Variants in GMDS observed in about 807,000 individuals in gnomAD.
GMDS encodes the protein GDP-mannose 4,6 dehydratase.
A neutral mutation model predicts 49.9 loss-of-function variants in GMDS; 20 were observed. That is an observed-to-expected ratio of 0.40 (90% CI 0.28 to 0.58). The LOEUF (loss-of-function observed/expected upper bound fraction) is 0.58, where lower values mean the gene tolerates loss of function less well. Among genes scored for constraint, GMDS ranks in the 20% least tolerant of loss-of-function variants. The pLI, the probability that GMDS is intolerant of heterozygous loss-of-function variation, is 0.42. For missense variants in GMDS, 362 were observed against 481.4 expected, an observed-to-expected ratio of 0.75 and a Z score of 2.32; for synonymous variants, 177 against 178.6, an observed-to-expected ratio of 0.99 and a Z score of 0.07.
At chr6:1,912,471 C>A (rs1332418889) in intron 7 of GMDS, among the ~76,000 whole-genome samples, 1 of 152,148 alleles carries the variant, frequency 6.6e-6, no homozygotes, top group Non-Finnish European at 1.5e-5. Flanking sequence ...CTTTGCATTA[C>A]CTTACACAGT....
At chr6:1,988,948 T>C (rs1765747709) in intron 4 of GMDS, among the ~76,000 whole-genome samples, 1 of 151,736 alleles carries the variant, frequency 6.6e-6, no homozygotes, top group Non-Finnish European at 1.5e-5. Flanking sequence ...CAGTGAGCAG[T>C]AAGAGCAGAA....
chr6:1,695,155 G>A (rs778504550), intron 9 of GMDS, among the ~76,000 whole-genome samples: 1 of 152,176 alleles, frequency 6.6e-6, no homozygotes, highest in Non-Finnish European at 1.5e-5. Context: ...CCATGACGGG[G>A]TCCAGGAAAG....
chr6:2,121,862 C>G (rs1352736308), intron 2 of GMDS, among the ~76,000 whole-genome samples: 1 of 152,178 alleles, frequency 6.6e-6, no homozygotes, highest in African/African-American at 2.4e-5. Flanking sequence ...CTGCATGCTC[C>G]CCTCCAGGTG....
intron 4 of GMDS, among the ~76,000 whole-genome samples, chr6:2,049,746 A>T (rs1194851063): frequency 1.3e-5 from 2 of 152,184 alleles, no homozygotes; most frequent in Non-Finnish European, 2.9e-5. Context: ...GCACAACAAC[A>T]TGGAGACTGA....
At chr6:1,997,940 A>G (rs1766396626) in intron 4 of GMDS, among the ~76,000 whole-genome samples, 1 of 152,176 alleles carries the variant, frequency 6.6e-6, no homozygotes, top group African/African-American at 2.4e-5. Flanking sequence ...CTTCTGGGAA[A>G]TGCAAAGATA....
intron 4 of GMDS, among the ~76,000 whole-genome samples, chr6:2,017,572 G>C: frequency 6.6e-6 from 1 of 152,102 alleles, no homozygotes; most frequent in East Asian, 1.9e-4. Context: ...GTCTCCCAAA[G>C]TGCTGGAATT....
At chr6:2,174,436 C>G (rs553382819) in intron 1 of GMDS, among the ~76,000 whole-genome samples, 1 of 152,168 alleles carries the variant, frequency 6.6e-6, no homozygotes, top group Admixed American at 6.5e-5. Flanking sequence ...GTATCTAAAT[C>G]AAGGATAAAG....
chr6:2,101,751 C>T (rs1773940255), intron 4 of GMDS, among the ~76,000 whole-genome samples: 1 of 152,048 alleles, frequency 6.6e-6, no homozygotes, highest in African/African-American at 2.4e-5. Flanking sequence ...TTTCCACTAA[C>T]CATTAACACT....
intron 4 of GMDS, among the ~76,000 whole-genome samples, chr6:2,037,545 G>A (rs1327795713): frequency 6.6e-6 from 1 of 152,128 alleles, no homozygotes; most frequent in Non-Finnish European, 1.5e-5. Context: ...TCAAACAGAC[G>A]AGAAGTACAA....
At chr6:2,186,191 G>A (rs1353403200) in intron 1 of GMDS, among the ~76,000 whole-genome samples, 1 of 152,136 alleles carries the variant, frequency 6.6e-6, no homozygotes, top group Non-Finnish European at 1.5e-5. Flanking sequence ...GGGAATGTAG[G>A]AAAATGAAAT....
At chr6:1,999,256 A>C (rs558179912) in intron 4 of GMDS, among the ~76,000 whole-genome samples, 2 of 145,050 alleles carry the variant, frequency 1.4e-5, no homozygotes, top group Admixed American at 1.4e-4. Flanking sequence ...AGGGAGTTGG[A>C]GGCTGCAGTG....
intron 4 of GMDS, among the ~76,000 whole-genome samples, chr6:2,005,194 C>G (rs533715746): frequency 2.4e-4 from 37 of 152,202 alleles, no homozygotes; most frequent in African/African-American, 8.7e-4. Context: ...TCTGGAATAG[C>G]TCAAGTCCTT....
At chr6:1,764,469 T>A (rs1337866946) in intron 7 of GMDS, among the ~76,000 whole-genome samples, 1 of 152,232 alleles carries the variant, frequency 6.6e-6, no homozygotes, top group East Asian at 1.9e-4. Context: ...CTTGTCACTT[T>A]AGACAACTTA....
intron 1 of GMDS, among the ~76,000 whole-genome samples, chr6:2,190,126 A>T (rs1778948289): frequency 6.6e-6 from 1 of 152,216 alleles, no homozygotes; most frequent in African/African-American, 2.4e-5. Context: ...TAAAGTACAA[A>T]ATGCTTTTAT....
In GMDS at chr6:1,833,295, G is replaced by C. The variant is rs534064925; in HGVS notation, c.772-90709C>G. Among the ~76,000 whole-genome samples, 104 of 152,018 alleles carry C rather than the reference G, an allele frequency of 6.8e-4. 2 individuals are homozygous for C. In the South Asian group the frequency reaches 0.02, roughly 30 times the overall value. ...GACTTCCAGAGAAGGGGAGGCCCCA[G>C]AACAACACTGGACACATCAAATGTC... is the stretch of plus-strand genomic sequence containing the variant. On this transcript the variant is annotated intron_variant, in intron 7 of 10. Transcript: ENST00000380815. The surrounding 1 kb of genome is among the most constrained non-coding windows in gnomAD (Gnocchi z 4.4).
intron 1 of GMDS, among the ~76,000 whole-genome samples, chr6:2,225,722 T>A (rs1780784528): frequency 6.6e-6 from 1 of 152,128 alleles, no homozygotes; most frequent in African/African-American, 2.4e-5. Context: ...GATTGCAAAA[T>A]CCTAACGTAC....
chr6:1,656,647 C>T (rs1043335815), intron 9 of GMDS, among the ~76,000 whole-genome samples: 3 of 151,924 alleles, frequency 2.0e-5, no homozygotes, highest in Admixed American at 2.0e-4. Context: ...GCCTGTAATC[C>T]CAAGTGCTCA....
At chr6:1,993,616 C>T (rs1766090031) in intron 4 of GMDS, among the ~76,000 whole-genome samples, 2 of 151,954 alleles carry the variant, frequency 1.3e-5, no homozygotes, top group African/African-American at 4.8e-5. Flanking sequence ...CAGGGCCGTG[C>T]TTCATTATTA....
chr6:1,692,094 A>G (rs1454622048), intron 9 of GMDS, among the ~76,000 whole-genome samples: 1 of 152,230 alleles, frequency 6.6e-6, no homozygotes, highest in Non-Finnish European at 1.5e-5. Context: ...TCTGGCCTCC[A>G]TCTTCCTCCC....
Sources: gnomAD v4.1 joint callset for allele counts (sites outside exome capture counted in the v4.1 genomes callset) on GRCh38, gnomAD v4.1.1 for gene constraint, Gnocchi (gnomAD v3.1) non-coding constraint, MANE v1.5 for transcripts, NCBI Gene and HGNC (gene_info 2026-07-23, HGNC 2026-07-21) for gene names.